Variants in COLQ observed in about 807,000 individuals in gnomAD.
COLQ encodes collagen like tail subunit of asymmetric acetylcholinesterase.
A neutral mutation model predicts 69.0 loss-of-function variants in COLQ; 48 were observed. The observed-to-expected ratio is 0.70, with a 90% CI of 0.55 to 0.88. The LOEUF (loss-of-function observed/expected upper bound fraction) is 0.88, where lower values mean the gene tolerates loss of function less well. COLQ is among the 40% of genes least tolerant of loss of function. The probability of loss-of-function intolerance (pLI) is 0.00; values close to 1 mark genes in which losing one functional copy is unlikely to be tolerated. For missense variants in COLQ, 618 were observed against 594.6 expected (o/e 1.04, Z -0.41); for synonymous variants, 217 against 211.2 (o/e 1.03, Z -0.24).
intron 13 of COLQ, among the ~76,000 whole-genome samples, chr3:15,457,911 C>T (rs1275094726): frequency 6.6e-6 from 1 of 152,104 alleles, no homozygotes; most frequent in Non-Finnish European, 1.5e-5. Flanking sequence ...GCCACCATGC[C>T]CGGCCAAAAG....
Position 15,456,485 on chromosome 3 carries a change from T to C in COLQ, c.1049A>G (p.Asp350Gly). The change falls in exon 14 of 17, where the codon GAC becomes GGC. Residue 350 changes from aspartate to glycine, a missense_variant. By Grantham distance (94) the Asp-to-Gly change is moderately conservative (BLOSUM62 -1). Coordinates refer to ENST00000383788, the MANE Select transcript of COLQ (RefSeq NM_005677.4). ...CTGGATGGGGAGCCAGCCAAGGCTG[T>C]CCTTGAAGTACAGAGATCTCTGGTC... ...RRDQRSLYFK[D>G]SLGWLPIQLT... 6.2e-7 allele frequency: 1 copy of C among 1,614,182 alleles called. No homozygotes were observed. The highest frequency in any genetic ancestry group is 8.5e-7 in the Non-Finnish European group (1 of 1,180,026).
intron 1 of COLQ, among the ~76,000 whole-genome samples, chr3:15,511,245 G>A (rs1273697323): frequency 1.3e-5 from 2 of 152,198 alleles, no homozygotes; most frequent in African/African-American, 2.4e-5. Context: ...TAAGGACTGC[G>A]CTGCAAGTCT....
chr3:15,500,723 C>A (rs2062818821), intron 1 of COLQ, among the ~76,000 whole-genome samples: 1 of 152,178 alleles, frequency 6.6e-6, no homozygotes, highest in Non-Finnish European at 1.5e-5. Flanking sequence ...CTATCTATAA[C>A]TTTGTCTCAT....
At chr3:15,505,992 G>A (rs1169396878) in intron 1 of COLQ, among the ~76,000 whole-genome samples, 1 of 152,188 alleles carries the variant, frequency 6.6e-6, no homozygotes, top group Non-Finnish European at 1.5e-5. Context: ...AACAGGTGGG[G>A]AGGAGGGAGG....
At chr3:15,514,106 A>G (rs1204670108) in intron 1 of COLQ, among the ~76,000 whole-genome samples, 1 of 152,206 alleles carries the variant, frequency 6.6e-6, no homozygotes, top group Non-Finnish European at 1.5e-5. Context: ...TGGACAAGGC[A>G]GGAAATGGAT....
At chr3:15,495,664 T>C (rs1267097773) in intron 1 of COLQ, among the ~76,000 whole-genome samples, 1 of 152,220 alleles carries the variant, frequency 6.6e-6, no homozygotes, top group Non-Finnish European at 1.5e-5. Flanking sequence ...CAAAACACCA[T>C]GCCGAGCTCT....
intron 11 of COLQ, among the ~76,000 whole-genome samples, chr3:15,467,367 T>A (rs2062214931): frequency 6.6e-6 from 1 of 152,220 alleles, no homozygotes; most frequent in Non-Finnish European, 1.5e-5. Flanking sequence ...TCTGTGAAAC[T>A]AACAAAGATC....
chr3:15,505,758 G>A (rs1454835575), intron 1 of COLQ, among the ~76,000 whole-genome samples: 4 of 152,200 alleles, frequency 2.6e-5, no homozygotes, highest in Admixed American at 6.5e-5. Flanking sequence ...CAGCTGCATC[G>A]GGCCCAAAGG....
chr3:15,518,369 C>G (rs1028912781), intron 1 of COLQ, among the ~76,000 whole-genome samples: 1 of 152,168 alleles, frequency 6.6e-6, no homozygotes, highest in African/African-American at 2.4e-5. Flanking sequence ...ATTTAATATG[C>G]TATATATAAT....
intron 13 of COLQ, among the ~76,000 whole-genome samples, chr3:15,457,416 G>A (rs2062040472): frequency 6.6e-6 from 1 of 151,954 alleles, no homozygotes; most frequent in African/African-American, 2.4e-5. Context: ...AGAATGGGCA[G>A]GAGTGAGTAG....
At chr3:15,501,450 G>C (rs1353828661) in intron 1 of COLQ, among the ~76,000 whole-genome samples, 1 of 152,186 alleles carries the variant, frequency 6.6e-6, no homozygotes, top group Non-Finnish European at 1.5e-5. Context: ...GGGATCCAGA[G>C]GCAAAGACAT....
chr3:15,518,374 T>C (rs2063090249), intron 1 of COLQ, among the ~76,000 whole-genome samples: 1 of 152,236 alleles, frequency 6.6e-6, no homozygotes, highest in African/African-American at 2.4e-5. Context: ...ATATGCTATA[T>C]ATAATCACCA....
chr3:15,502,256 C>G (rs556398616), intron 1 of COLQ, among the ~76,000 whole-genome samples: 1 of 151,836 alleles, frequency 6.6e-6, no homozygotes, highest in Non-Finnish European at 1.5e-5. Flanking sequence ...GCTGGGATTA[C>G]AGGCACCTGC....
chr3:15,502,396 C>T (rs1011319954), intron 1 of COLQ, among the ~76,000 whole-genome samples: 1 of 152,014 alleles, frequency 6.6e-6, no homozygotes, highest in Admixed American at 6.6e-5. Context: ...GGATTACAGA[C>T]ATGAGCCACC....
chr3:15,473,102 G>A lies in COLQ; in HGVS notation c.636+898C>T, dbSNP rs192727176. ...TTTTTTCTTTAAGTTACCTGAAATG[G>A]ACCCTTTTTTATTAAGCCTTGTCCC... On this transcript the variant is annotated intron_variant, in intron 10 of 16. Transcript: ENST00000383788. The surrounding 1 kb of genome is among the most constrained non-coding windows in gnomAD (Gnocchi z 4.0). Among the ~76,000 whole-genome samples, 1 of 151,256 alleles carries A rather than the reference G, an allele frequency of 6.6e-6. No individual in the cohort carries two copies. The highest frequency in any genetic ancestry group is 2.0e-4 in the East Asian group (1 of 5,096).
chr3:15,510,808 C>T (rs7638675), intron 1 of COLQ, among the ~76,000 whole-genome samples: 1 of 116,664 alleles, frequency 8.6e-6, no homozygotes, highest in African/African-American at 3.4e-5. Context: ...GAGAAAGAGA[C>T]CAAGAGAGAG....
chr3:15,474,204 C>A, intron 9 of COLQ, 24 bp downstream of exon 9: 1 of 1,613,674 alleles, frequency 6.2e-7, no homozygotes, highest in Non-Finnish European at 8.5e-7. Flanking sequence ...TTTATCATTT[C>A]TATGGAAAGG....
chr3:15,454,064 C>T, intron 15 of COLQ, 133 bp from the exon 16 acceptor site: 1 of 687,112 alleles, frequency 1.5e-6, no homozygotes, highest in Non-Finnish European at 2.6e-6. Context: ...CTCCATTAAG[C>T]TTCACACTCC....
intron 7 of COLQ, 62 bp from the exon 8 acceptor site, chr3:15,475,013 G>T: frequency 1.3e-6 from 2 of 1,545,670 alleles, no homozygotes; most frequent in Admixed American, 3.3e-5. Flanking sequence ...TTTGGTGGAA[G>T]AATAGAAGGA....
Sources: allele counts gnomAD v4.1 joint callset (sites outside exome capture counted in the v4.1 genomes callset), GRCh38; gene constraint gnomAD v4.1.1; non-coding constraint Gnocchi (gnomAD v3.1); transcripts MANE v1.5; gene names NCBI Gene and HGNC (gene_info 2026-07-23, HGNC 2026-07-21).